GRM8: variants seen among roughly 807,000 people sequenced by gnomAD.
GRM8 encodes glutamate metabotropic receptor 8.
In GRM8, 47 loss-of-function variants were observed where a neutral mutation model predicts 87.2. The ratio of observed to expected loss-of-function variants is 0.54; its 90% confidence interval spans 0.43 to 0.69. The LOEUF (loss-of-function observed/expected upper bound fraction) is 0.69. Ranked by LOEUF, GRM8 falls within the 30% of genes least tolerant of loss-of-function variation. GRM8 has a pLI of 0.00. For synonymous variants in GRM8, 396 were observed against 404.5 expected (o/e 0.98, Z 0.25); for missense variants, 1,019 against 1,139.2 (o/e 0.89, Z 1.52).
At chr7:127,223,523 T>A (rs1797101715) in intron 2 of GRM8, among the ~76,000 whole-genome samples, 1 of 145,852 alleles carries the variant, frequency 6.9e-6, no homozygotes, top group African/African-American at 2.5e-5. Flanking sequence ...AAAGACCTAG[T>A]GGGGAACCTA....
intron 9 of GRM8, among the ~76,000 whole-genome samples, chr7:126,505,254 T>C (rs1739120180): frequency 6.6e-6 from 1 of 152,074 alleles, no homozygotes; most frequent in African/African-American, 2.4e-5. Flanking sequence ...AGGCTTATAA[T>C]AAATCTAACC....
At chr7:127,000,177 G>T (rs935867517) in intron 3 of GRM8, among the ~76,000 whole-genome samples, 3 of 150,674 alleles carry the variant, frequency 2.0e-5, no homozygotes, top group Non-Finnish European at 4.5e-5. Flanking sequence ...ACTTATTTGT[G>T]GGAACTAAAA....
chr7:126,843,944 T>C (rs915992494), intron 6 of GRM8, among the ~76,000 whole-genome samples: 1 of 152,242 alleles, frequency 6.6e-6, no homozygotes, highest in Non-Finnish European at 1.5e-5. Flanking sequence ...AGGGTGGCAA[T>C]TTATAAAATT....
At chr7:126,910,498 C>G (rs1177150402) in intron 3 of GRM8, among the ~76,000 whole-genome samples, 1 of 152,036 alleles carries the variant, frequency 6.6e-6, no homozygotes, top group African/African-American at 2.4e-5. Flanking sequence ...ACTTCTCCAT[C>G]AAGTAGGGGA....
chr7:127,054,949 G>T (rs1819839615), intron 3 of GRM8, among the ~76,000 whole-genome samples: 1 of 151,718 alleles, frequency 6.6e-6, no homozygotes, highest in South Asian at 2.1e-4. Flanking sequence ...TAGAAACTTT[G>T]GTTGGCAATA....
chr7:126,638,965 C>T (rs1329146397), intron 7 of GRM8, among the ~76,000 whole-genome samples: 2 of 152,210 alleles, frequency 1.3e-5, no homozygotes, highest in South Asian at 2.1e-4. Flanking sequence ...TTCCACCTCA[C>T]GTGCCACTGA....
At chr7:126,963,645 A>C (rs980575111) in intron 3 of GRM8, among the ~76,000 whole-genome samples, 3 of 152,242 alleles carry the variant, frequency 2.0e-5, no homozygotes, top group Non-Finnish European at 4.4e-5. Flanking sequence ...GAGAAAAACC[A>C]ATGCTCAAGG....
chr7:126,581,023 T>C (rs150408371), intron 8 of GRM8, among the ~76,000 whole-genome samples: 276 of 152,218 alleles, frequency 1.8e-3, no homozygotes, highest in Admixed American at 2.2e-3. Context: ...GAAGCCTTTT[T>C]ATGCATATAT....
At chr7:127,191,316 T>C (rs1001099635) in intron 2 of GRM8, among the ~76,000 whole-genome samples, 1 of 152,220 alleles carries the variant, frequency 6.6e-6, no homozygotes, top group Non-Finnish European at 1.5e-5. Context: ...CTGGGTTCAA[T>C]GCATTTGACA....
Position 126,955,502 on chromosome 7 carries a change from C to G in GRM8, c.728-50819G>C, listed in dbSNP as rs140190842. ...AAAAGGGACTCCAAGTCACCAGTTACGCCAGCAGTTTGCAAAAACTATTCT... is the reference window on the plus strand; with the variant it reads ...AAAAGGGACTCCAAGTCACCAGTTAGGCCAGCAGTTTGCAAAAACTATTCT... On this transcript the variant is annotated intron_variant, in intron 3 of 10. Coordinates refer to ENST00000339582, the MANE Select transcript of GRM8 (RefSeq NM_000845.3). 6.2e-3 allele frequency among the ~76,000 whole-genome samples: 946 copies of G among 152,270 alleles called. 10 individuals carry two copies. Among genetic ancestry groups the G allele is most frequent in the African/African-American group, 0.021 (889 of 41,556 alleles).
chr7:126,846,022 C>T (rs1344933677), intron 6 of GRM8, among the ~76,000 whole-genome samples: 1 of 151,810 alleles, frequency 6.6e-6, no homozygotes, highest in Admixed American at 6.6e-5. Context: ...TCCTATATTT[C>T]CAGCAATATA....
At chr7:126,828,456 G>A (rs188307652) in intron 6 of GRM8, among the ~76,000 whole-genome samples, 214 of 152,190 alleles carry the variant, frequency 1.4e-3, no homozygotes, top group East Asian at 9.1e-3. Context: ...TGTATCTGTC[G>A]AGGAATTTAT....
At chr7:126,617,391 C>T (rs1799619972) in intron 7 of GRM8, among the ~76,000 whole-genome samples, 1 of 152,108 alleles carries the variant, frequency 6.6e-6, no homozygotes, top group Admixed American at 6.6e-5. Context: ...ATAATAAGAG[C>T]TATTTATGAC....
At chr7:126,976,461 G>A (rs1457831185) in intron 3 of GRM8, among the ~76,000 whole-genome samples, 1 of 152,056 alleles carries the variant, frequency 6.6e-6, no homozygotes, top group Non-Finnish European at 1.5e-5. Context: ...GAGCATGGTG[G>A]TGGGCATCTG....
intron 7 of GRM8, among the ~76,000 whole-genome samples, chr7:126,668,745 T>G (rs919488827): frequency 1.3e-5 from 2 of 152,242 alleles, no homozygotes; most frequent in Admixed American, 6.5e-5. Context: ...TTCTTTCCCC[T>G]TCTCCATTCT....
intron 7 of GRM8, among the ~76,000 whole-genome samples, chr7:126,677,234 C>T (rs1322864258): frequency 6.6e-6 from 1 of 151,948 alleles, no homozygotes; most frequent in Non-Finnish European, 1.5e-5. Context: ...AAAGGGAACA[C>T]TTACACACCG....
intron 3 of GRM8, among the ~76,000 whole-genome samples, chr7:126,940,997 G>A (rs1450246443): frequency 6.6e-6 from 1 of 152,164 alleles, no homozygotes; most frequent in Non-Finnish European, 1.5e-5. Context: ...GATAATGAGG[G>A]ACAGAGTTTT....
chr7:126,549,263 AT>A (rs201080117), intron 8 of GRM8, among the ~76,000 whole-genome samples: 29 of 150,854 alleles, frequency 1.9e-4, no homozygotes, highest in East Asian at 1.7e-3. Context: ...ATGAGGAAAG[AT>A]TTTTTTTTTC....
chr7:127,220,737 T>G (rs964829064), intron 2 of GRM8, among the ~76,000 whole-genome samples: 14 of 152,148 alleles, frequency 9.2e-5, no homozygotes, highest in African/African-American at 3.4e-4. Flanking sequence ...ACTCCCCCTA[T>G]CTTGGCCTCC....
Sources: gnomAD v4.1 joint callset for allele counts (sites outside exome capture counted in the v4.1 genomes callset) on GRCh38, gnomAD v4.1.1 for gene constraint, MANE v1.5 for transcripts, NCBI Gene and HGNC (gene_info 2026-07-23, HGNC 2026-07-21) for gene names.